ANO4: variants seen among roughly 807,000 people sequenced by gnomAD.
The protein encoded by ANO4 is anoctamin 4, also known as anoctamin-4.
ANO4 carries 69 observed loss-of-function variants against 141.9 expected under a neutral mutation model. The observed-to-expected ratio is 0.49, with a 90% CI of 0.40 to 0.59. ANO4 has a LOEUF of 0.59. Among genes scored for constraint, ANO4 ranks in the 20% least tolerant of loss-of-function variants. The probability of loss-of-function intolerance (pLI) is 0.00; values close to 1 mark genes in which losing one functional copy is unlikely to be tolerated. For synonymous variants in ANO4, 350 were observed against 394.3 expected, an observed-to-expected ratio of 0.89 and a Z score of 1.33; for missense variants, 894 against 1,162.2, an observed-to-expected ratio of 0.77 and a Z score of 3.36.
chr12:100,792,260 A>G (rs1481445279), upstream of ANO4, among the ~76,000 whole-genome samples: 3 of 152,196 alleles, frequency 2.0e-5, no homozygotes, highest in African/African-American at 7.2e-5. Context: ...TGAAAAAGCT[A>G]TCTTATTTCT....
intron 5 of ANO4, among the ~76,000 whole-genome samples, chr12:100,948,381 G>C (rs1333461597): frequency 2.0e-5 from 3 of 151,988 alleles, no homozygotes; most frequent in African/African-American, 4.8e-5. Flanking sequence ...ATGGATCTCT[G>C]TTTCCATTGT....
intron 1 of ANO4, among the ~76,000 whole-genome samples, chr12:100,831,087 A>T (rs1169751044): frequency 1.3e-5 from 2 of 152,140 alleles, no homozygotes; most frequent in African/African-American, 4.8e-5. Flanking sequence ...ACTGATATTT[A>T]AAACTGTATA....
intron 25 of ANO4, among the ~76,000 whole-genome samples, chr12:101,119,497 G>A (rs890939504): frequency 2.0e-5 from 3 of 151,898 alleles, no homozygotes; most frequent in African/African-American, 4.8e-5. Flanking sequence ...GCCTGTAAGT[G>A]TATACTTATA....
chr12:101,078,015 T>C (rs2049093730), intron 14 of ANO4, among the ~76,000 whole-genome samples: 1 of 152,200 alleles, frequency 6.6e-6, no homozygotes, highest in Non-Finnish European at 1.5e-5. Context: ...AGAACTCTTA[T>C]CTATCACTCT....
intron 3 of ANO4, among the ~76,000 whole-genome samples, chr12:100,775,403 A>C (rs138159003): frequency 5.5e-4 from 83 of 152,260 alleles, no homozygotes; most frequent in African/African-American, 1.8e-3. Flanking sequence ...GTGAATGCAT[A>C]TTTCTTTTTT....
chr12:100,815,992 CTT>C (rs1301721247), intron 1 of ANO4, among the ~76,000 whole-genome samples: 2 of 152,170 alleles, frequency 1.3e-5, no homozygotes, highest in East Asian at 3.9e-4. Context: ...GTTTGATAAA[CTT>C]TTAAAGACAA....
At chr12:101,094,352 A>G (rs2049895727) in intron 18 of ANO4, 60 bp downstream of exon 18, 1 of 1,384,434 alleles carries the variant, frequency 7.2e-7, no homozygotes, top group Non-Finnish European at 1.0e-6. Flanking sequence ...TATGGTTCAA[A>G]GATTCCTTTC....
chr12:100,945,210 C>G (rs570208440), intron 5 of ANO4, among the ~76,000 whole-genome samples: 1 of 152,282 alleles, frequency 6.6e-6, no homozygotes, highest in South Asian at 2.1e-4. Context: ...CAAAGACAGG[C>G]TTTCTAGTTC....
At chr12:100,793,271 A>G (rs2034121965), upstream of ANO4, among the ~76,000 whole-genome samples, 1 of 152,238 alleles carries the variant, frequency 6.6e-6, no homozygotes, top group Non-Finnish European at 1.5e-5. Flanking sequence ...GGTTTTCCTT[A>G]TATAATTTAC....
Position 101,111,596 on chromosome 12 carries a change from TTCTC to T in ANO4, c.2340_2343del (p.Ser781LeufsTer8), listed in dbSNP as rs1217231702. The T allele has an allele frequency of 6.2e-7, 1 of 1,610,932 alleles. No homozygotes were observed. Among genetic ancestry groups the T allele is most frequent in the Non-Finnish European group, 8.5e-7 (1 of 1,178,810 alleles). ...TATGGAATTCTTGAAGGCATTGGAA[TTCTC>T]TCTGTTATCACAAATGCATTTGTCA... On this transcript the variant is annotated frameshift_variant, in exon 24 of 28. Coordinates refer to ENST00000392977, the MANE Select transcript of ANO4 (RefSeq NM_001286615.2). LOFTEE classifies it high-confidence loss of function.
chr12:101,071,157 C>T (rs2048793249), intron 14 of ANO4, among the ~76,000 whole-genome samples: 1 of 152,076 alleles, frequency 6.6e-6, no homozygotes, highest in Non-Finnish European at 1.5e-5. Flanking sequence ...CCAGCAATCT[C>T]ATTATCAGGT....
At chr12:100,787,354 A>G (rs2033906416) in intron 3 of ANO4, among the ~76,000 whole-genome samples, 1 of 152,200 alleles carries the variant, frequency 6.6e-6, no homozygotes, top group African/African-American at 2.4e-5. Flanking sequence ...CAGGACCCTG[A>G]AGTTTTCAAC....
At chr12:100,878,816 A>G (rs1339499078) in intron 1 of ANO4, among the ~76,000 whole-genome samples, 3 of 152,202 alleles carry the variant, frequency 2.0e-5, no homozygotes, top group Non-Finnish European at 4.4e-5. Context: ...TTCTTTAAAC[A>G]TGGCAAATTA....
At chr12:100,890,012 C>T (rs189902001) in intron 1 of ANO4, among the ~76,000 whole-genome samples, 2 of 152,210 alleles carry the variant, frequency 1.3e-5, no homozygotes, top group East Asian at 3.9e-4. Context: ...GCCCTATTAA[C>T]AGTTATTTTT....
chr12:101,118,484 A>G (rs1021984966), intron 25 of ANO4, among the ~76,000 whole-genome samples: 3 of 152,186 alleles, frequency 2.0e-5, no homozygotes, highest in Non-Finnish European at 2.9e-5. Context: ...GTAAAATAAT[A>G]TTTTCAGGTT....
chr12:101,107,943 G>A (rs879376422), intron 22 of ANO4, among the ~76,000 whole-genome samples: 4 of 152,162 alleles, frequency 2.6e-5, no homozygotes, highest in Non-Finnish European at 5.9e-5. Context: ...GGACTAGGAG[G>A]CTAATGGTTC....
intron 14 of ANO4, among the ~76,000 whole-genome samples, chr12:101,061,215 T>C (rs1410165383): frequency 6.6e-6 from 1 of 152,200 alleles, no homozygotes; most frequent in Non-Finnish European, 1.5e-5. Context: ...GCCCCCACTC[T>C]CTTCTGGCTT....
At chr12:101,095,437 G>A (rs1362564460) in intron 18 of ANO4, among the ~76,000 whole-genome samples, 2 of 152,186 alleles carry the variant, frequency 1.3e-5, no homozygotes, top group Non-Finnish European at 2.9e-5. Context: ...CCTAGCTGGT[G>A]ACCAGGAGAC....
rs2049891757 is a variant in ANO4, at chr12:101,094,271, G to A, written c.1717G>A (p.Ala573Thr). 33 of 1,611,226 alleles carry A rather than the reference G, an allele frequency of 2.0e-5. No individual in the cohort carries two copies. Among genetic ancestry groups the A allele is most frequent in the Non-Finnish European group, 2.7e-5 (32 of 1,177,914 alleles). Residue 573 changes from alanine (A) to threonine (T), a missense_variant, in exon 18 of 28, where the codon GCC becomes ACC. Ala to Thr is a moderately conservative substitution (Grantham distance 58). Around this residue, in one of 2 missense-constraint regions of ANO4, gnomAD observed 637 missense variants for 909.2 expected, o/e 0.70. Coordinates refer to ENST00000392977, the MANE Select transcript of ANO4 (RefSeq NM_001286615.2). ...MLLNVLYEKV[A>T]LLLTNLEQPR... The stretch of plus-strand genomic sequence containing the variant: ...TATTTTACAGCTCTATGAAAAAGTT[G>A]CCCTGCTTCTGACGAATTTAGGTGA...
Sources: allele counts gnomAD v4.1 joint callset (sites outside exome capture counted in the v4.1 genomes callset), GRCh38; gene constraint gnomAD v4.1.1; regional missense constraint gnomAD v4.1.1; transcripts MANE v1.5; gene names NCBI Gene and HGNC (gene_info 2026-07-23, HGNC 2026-07-21).